Variants in DAB1 observed in about 807,000 individuals in gnomAD.
DAB1 encodes DAB adaptor protein 1.
Under a neutral mutation model 64.6 loss-of-function variants are expected in DAB1, and 15 were observed. That is an observed-to-expected ratio of 0.23 (90% CI 0.16 to 0.36). The LOEUF (loss-of-function observed/expected upper bound fraction) is 0.36. DAB1 is among the 10% of genes least tolerant of loss of function. The pLI is 1.00. For missense variants in DAB1, 596 were observed against 706.7 expected, an observed-to-expected ratio of 0.84 and a Z score of 1.78; for synonymous variants, 235 against 251.9, an observed-to-expected ratio of 0.93 and a Z score of 0.64.
chr1:57,354,670 C>A (rs988527207), intron 1 of DAB1, among the ~76,000 whole-genome samples: 1 of 152,020 alleles, frequency 6.6e-6, no homozygotes, highest in Non-Finnish European at 1.5e-5. Flanking sequence ...CCACATGGGT[C>A]CTGAGAGTCT....
intron 7 of DAB1, among the ~76,000 whole-genome samples, chr1:57,577,801 T>A (rs1354637953): frequency 6.6e-6 from 1 of 152,260 alleles, no homozygotes; most frequent in African/African-American, 2.4e-5. Context: ...GATGCTGCCA[T>A]TCTCTTGAAA....
chr1:57,200,054 A>C (rs1465279356), intron 2 of DAB1, among the ~76,000 whole-genome samples: 4 of 152,146 alleles, frequency 2.6e-5, no homozygotes, highest in Non-Finnish European at 5.9e-5. Context: ...CCATTTAATC[A>C]AGTCCTTATT....
At chr1:57,777,744 T>A (rs561409943) in intron 6 of DAB1, among the ~76,000 whole-genome samples, 2 of 152,076 alleles carry the variant, frequency 1.3e-5, no homozygotes, top group Non-Finnish European at 2.9e-5. Flanking sequence ...ATCTCTGCCA[T>A]TTGTTGATCT....
At chr1:57,664,523 A>C (rs1646424564) in intron 6 of DAB1, among the ~76,000 whole-genome samples, 1 of 152,200 alleles carries the variant, frequency 6.6e-6, no homozygotes, top group Admixed American at 6.6e-5. Context: ...CCAATGCCAT[A>C]AACTTAAGAA....
intron 1 of DAB1, among the ~76,000 whole-genome samples, chr1:57,382,105 C>T (rs560079512): frequency 6.6e-6 from 1 of 152,324 alleles, no homozygotes; most frequent in South Asian, 2.1e-4. Flanking sequence ...CCTCCCTCTT[C>T]CCGTCTCAGT....
intron 3 of DAB1, among the ~76,000 whole-genome samples, chr1:58,422,102 C>G (rs564579969): frequency 1.3e-5 from 2 of 151,986 alleles, no homozygotes; most frequent in Non-Finnish European, 2.9e-5. Context: ...AGAACCAGAA[C>G]GCATTTCATA....
intron 2 of DAB1, among the ~76,000 whole-genome samples, chr1:57,206,171 A>G (rs949795379): frequency 6.6e-6 from 1 of 152,228 alleles, no homozygotes; most frequent in Admixed American, 6.5e-5. Flanking sequence ...TTGTTCTGCA[A>G]TTTAGGGAAC....
chr1:57,253,571 A>G (rs1303117916), intron 2 of DAB1, among the ~76,000 whole-genome samples: 1 of 152,184 alleles, frequency 6.6e-6, no homozygotes, highest in Non-Finnish European at 1.5e-5. Flanking sequence ...AGGATGTAGT[A>G]TCATCAGTAA....
At chr1:57,984,204 GAAAGAAAGAAA>G (rs2100351102) in intron 5 of DAB1, among the ~76,000 whole-genome samples, 1 of 120,878 alleles carries the variant, frequency 8.3e-6, no homozygotes, top group South Asian at 2.6e-4. Context: ...AAGAAAGAAA[GAAAGAAAGAAA>G]GAAAGAAAGA....
In DAB1 at chr1:57,700,644, A is replaced by G. The variant is rs923158993; in HGVS notation, n.552-50979T>C. On this transcript the variant is annotated intron_variant and non_coding_transcript_variant, in intron 6 of 20. Coordinates refer to the DAB1 transcript ENST00000485760. ...TTTGTCCTCGATCTTTGAGACTTTT[A>G]TTTTTATATGCCTTGAGTATTCTTA... 4.6e-5 allele frequency among the ~76,000 whole-genome samples: 7 copies of G among 151,972 alleles called. 1 individual carries two copies. The highest frequency in any genetic ancestry group is 1.7e-4 in the African/African-American group (7 of 41,400).
chr1:57,659,794 T>C (rs1379274121), intron 6 of DAB1, among the ~76,000 whole-genome samples: 1 of 151,948 alleles, frequency 6.6e-6, no homozygotes, highest in Non-Finnish European at 1.5e-5. Context: ...CTGACCAACA[T>C]GGTGAAACCC....
At chr1:58,274,780 C>A (rs554473680) in intron 4 of DAB1, among the ~76,000 whole-genome samples, 58 of 152,262 alleles carry the variant, frequency 3.8e-4, no homozygotes, top group African/African-American at 1.3e-3. Flanking sequence ...CAGGTGCGTC[C>A]GTCACTCCTT....
intron 3 of DAB1, chr1:58,474,062 C>T (rs978757481): frequency 1.9e-6 from 1 of 538,690 alleles, no homozygotes; most frequent in Non-Finnish European, 3.4e-6. Flanking sequence ...ATTCCCAATC[C>T]AGAGCCTAGG....
chr1:57,115,736 T>C (rs994599129), intron 4 of DAB1, among the ~76,000 whole-genome samples: 6 of 152,132 alleles, frequency 3.9e-5, no homozygotes, highest in Admixed American at 1.3e-4. Flanking sequence ...AGCTGGGGTC[T>C]TCTCTGAGCA....
intron 4 of DAB1, among the ~76,000 whole-genome samples, chr1:58,334,868 C>G (rs1316471496): frequency 6.6e-6 from 1 of 152,024 alleles, no homozygotes; most frequent in Non-Finnish European, 1.5e-5. Context: ...GAATGAATTT[C>G]ATATTCTATT....
chr1:58,366,104 C>T (rs1214865689), intron 3 of DAB1, among the ~76,000 whole-genome samples: 1 of 152,204 alleles, frequency 6.6e-6, no homozygotes, highest in African/African-American at 2.4e-5. Flanking sequence ...CTTAAGAAGA[C>T]CAACCAGCCA....
At chr1:57,939,167 C>A (rs1645067573) in intron 5 of DAB1, among the ~76,000 whole-genome samples, 1 of 152,100 alleles carries the variant, frequency 6.6e-6, no homozygotes, top group African/African-American at 2.4e-5. Context: ...ACCTTCTTCT[C>A]TCATATTCTC....
At chr1:57,686,934 C>T (rs1646703947) in intron 6 of DAB1, among the ~76,000 whole-genome samples, 2 of 152,164 alleles carry the variant, frequency 1.3e-5, no homozygotes, top group South Asian at 4.1e-4. Context: ...CCACAGCCAA[C>T]ATCACATTGA....
At chr1:57,423,864 C>T (rs1685125094) in intron 1 of DAB1, 66 bp downstream of exon 1, 1 of 152,300 alleles carries the variant, frequency 6.6e-6, no homozygotes, top group African/African-American at 2.4e-5. Context: ...TCCCCGGCGC[C>T]CTGTCCTCGC....
Sources: allele counts gnomAD v4.1 joint callset (sites outside exome capture counted in the v4.1 genomes callset), GRCh38; gene constraint gnomAD v4.1.1; transcripts MANE v1.5; gene names NCBI Gene and HGNC (gene_info 2026-07-23, HGNC 2026-07-21).